The following CTNNA3 variants were observed in gnomAD, a reference collection of about 807,000 sequenced individuals.
The protein encoded by CTNNA3 is catenin alpha 3.
A neutral mutation model predicts 95.7 loss-of-function variants in CTNNA3; 76 were observed. That is an observed-to-expected ratio of 0.79 (90% CI 0.66 to 0.96). The LOEUF is 0.96. Among genes scored for constraint, CTNNA3 ranks in the 40% least tolerant of loss-of-function variants. CTNNA3 has a pLI of 0.00. For missense variants in CTNNA3, 1,191 were observed against 1,089.8 expected (o/e 1.09, Z -1.31); for synonymous variants, 431 against 374.4 (o/e 1.15, Z -1.74).
At chr10:67,762,925 C>G (rs1841470108) in intron 1 of CTNNA3, among the ~76,000 whole-genome samples, 1 of 152,076 alleles carries the variant, frequency 6.6e-6, no homozygotes, top group African/African-American at 2.4e-5. Context: ...CCCTCTCACG[C>G]GGACCCCCTT....
chr10:67,379,237 A>G (rs186421077), intron 5 of CTNNA3, among the ~76,000 whole-genome samples: 1 of 152,272 alleles, frequency 6.6e-6, no homozygotes, highest in Non-Finnish European at 1.5e-5. Flanking sequence ...TGTATAGTGA[A>G]AATAGCATAG....
At chr10:67,498,812 T>A (rs1343603797) in intron 5 of CTNNA3, among the ~76,000 whole-genome samples, 1 of 152,232 alleles carries the variant, frequency 6.6e-6, no homozygotes. Context: ...TGAAGTTGCT[T>A]ATCAGCTTAA....
chr10:67,038,902 T>C (rs1052091930), intron 7 of CTNNA3, among the ~76,000 whole-genome samples: 7 of 152,086 alleles, frequency 4.6e-5, no homozygotes, highest in African/African-American at 1.2e-4. Context: ...AAGGAACAAA[T>C]TAACTATAAA....
Position 66,201,077 on chromosome 10 carries a change from A to G in CTNNA3, c.1884+79393T>C, listed in dbSNP as rs1445420121. On this transcript the variant is annotated intron_variant, in intron 13 of 17. Transcript: ENST00000433211. ...ATCACTCAGTATTTCTCCATCTCCAAAATCTATAAACTTATGTGATTTTAA... is the reference window on the plus strand; with the variant it reads ...ATCACTCAGTATTTCTCCATCTCCAGAATCTATAAACTTATGTGATTTTAA... Among the ~76,000 whole-genome samples the G allele has an allele frequency of 2.6e-5, 4 of 152,264 alleles. No homozygotes were observed. In the East Asian group the frequency reaches 5.8e-4, roughly 22 times the overall value.
chr10:67,363,961 C>T (rs1404814263), intron 5 of CTNNA3, among the ~76,000 whole-genome samples: 1 of 152,158 alleles, frequency 6.6e-6, no homozygotes, highest in Non-Finnish European at 1.5e-5. Context: ...AGGGAATCCT[C>T]CCAAACTCAT....
intron 12 of CTNNA3, among the ~76,000 whole-genome samples, chr10:66,312,768 A>G (rs10997054): frequency 1.3e-5 from 2 of 151,898 alleles, no homozygotes; most frequent in African/African-American, 4.8e-5. Flanking sequence ...GATGATCTCA[A>G]TCTCCTGACC....
At chr10:66,850,148 A>C (rs1316417686) in intron 7 of CTNNA3, among the ~76,000 whole-genome samples, 1 of 152,184 alleles carries the variant, frequency 6.6e-6, no homozygotes, top group African/African-American at 2.4e-5. Flanking sequence ...TAGGGGAAGA[A>C]ATGTTGTCCA....
At chr10:66,432,160 T>G in intron 11 of CTNNA3, among the ~76,000 whole-genome samples, 1 of 152,132 alleles carries the variant, frequency 6.6e-6, no homozygotes, top group East Asian at 1.9e-4. Context: ...CAATAAAAGG[T>G]TAAGAAAAAT....
At chr10:66,234,541 G>C (rs115503948) in intron 13 of CTNNA3, among the ~76,000 whole-genome samples, 1 of 152,116 alleles carries the variant, frequency 6.6e-6, no homozygotes, top group African/African-American at 2.4e-5. Flanking sequence ...TTGTAGTTGC[G>C]TGTCTGATAT....
At chr10:66,210,770 T>C (rs866688338) in intron 13 of CTNNA3, among the ~76,000 whole-genome samples, 1 of 152,168 alleles carries the variant, frequency 6.6e-6, no homozygotes, top group African/African-American at 2.4e-5. Flanking sequence ...AAAAACAACA[T>C]AGCCATATAA....
intron 7 of CTNNA3, among the ~76,000 whole-genome samples, chr10:67,036,862 T>C (rs1589641582): frequency 1.3e-5 from 2 of 152,002 alleles, no homozygotes; most frequent in South Asian, 4.2e-4. Context: ...GCAAAATATA[T>C]AAAACATTGG....
chr10:66,318,638 C>G (rs868741190), intron 12 of CTNNA3, among the ~76,000 whole-genome samples: 2 of 152,014 alleles, frequency 1.3e-5, no homozygotes, highest in South Asian at 2.1e-4. Context: ...TCCCTATTCT[C>G]CAACAACTAG....
At chr10:67,748,864 G>A (rs1841387008) in intron 1 of CTNNA3, among the ~76,000 whole-genome samples, 1 of 152,182 alleles carries the variant, frequency 6.6e-6, no homozygotes, top group Non-Finnish European at 1.5e-5. Context: ...CCCATCTCAT[G>A]TGCAAAGACA....
intron 1 of CTNNA3, among the ~76,000 whole-genome samples, chr10:67,687,161 A>G (rs1449904466): frequency 6.6e-6 from 1 of 152,200 alleles, no homozygotes. Context: ...AGGCCATGCC[A>G]GTGTCCAGGA....
At chr10:67,663,069 T>A (rs536560022) in intron 1 of CTNNA3, among the ~76,000 whole-genome samples, 1 of 152,332 alleles carries the variant, frequency 6.6e-6, no homozygotes, top group East Asian at 1.9e-4. Context: ...GCCCTTCTTG[T>A]ACATCTGTCA....
At chr10:66,283,194 C>T (rs974155862) in intron 12 of CTNNA3, among the ~76,000 whole-genome samples, 1 of 151,744 alleles carries the variant, frequency 6.6e-6, no homozygotes, top group Non-Finnish European at 1.5e-5. Flanking sequence ...AAGAACAGGA[C>T]AAAATGGCTT....
At chr10:67,471,614 C>T (rs1847833373) in intron 5 of CTNNA3, among the ~76,000 whole-genome samples, 1 of 152,136 alleles carries the variant, frequency 6.6e-6, no homozygotes, top group South Asian at 2.1e-4. Flanking sequence ...ATAAGAGTTG[C>T]AAATCCTTCT....
chr10:66,743,972 C>CT (rs1849412984), intron 9 of CTNNA3, among the ~76,000 whole-genome samples: 1 of 38,028 alleles, frequency 2.6e-5, no homozygotes, highest in Non-Finnish European at 4.2e-5. Flanking sequence ...GAGATTCCAT[C>CT]TCAAAAAAAA....
At chr10:66,812,034 A>G (rs1841899922) in intron 7 of CTNNA3, among the ~76,000 whole-genome samples, 1 of 152,146 alleles carries the variant, frequency 6.6e-6, no homozygotes, top group African/African-American at 2.4e-5. Flanking sequence ...TACTTTATTG[A>G]GATGATCTAG....
Sources: allele counts gnomAD v4.1 joint callset (sites outside exome capture counted in the v4.1 genomes callset), GRCh38; gene constraint gnomAD v4.1.1; transcripts MANE v1.5; gene names NCBI Gene and HGNC (gene_info 2026-07-23, HGNC 2026-07-21).